The following RAD51B variants were observed in gnomAD, a reference collection of about 807,000 sequenced individuals.
RAD51B encodes RAD51 paralog B.
In RAD51B, 38 loss-of-function variants were observed where a neutral mutation model predicts 42.2. That is an observed-to-expected ratio of 0.90 (90% confidence interval 0.70 to 1.18). The LOEUF is 1.18. Among genes scored for constraint, RAD51B ranks in the 50% most tolerant of loss-of-function variants. The probability of loss-of-function intolerance (pLI) is 0.00; values close to 1 mark genes in which losing one functional copy is unlikely to be tolerated. For synonymous variants in RAD51B, 154 were observed against 145.2 expected (o/e 1.06, Z -0.43); for missense variants, 373 against 400.7 (o/e 0.93, Z 0.59).
intron 11 of RAD51B, among the ~76,000 whole-genome samples, chr14:68,655,541 G>C (rs746333821): frequency 6.6e-6 from 1 of 152,216 alleles, no homozygotes; most frequent in African/African-American, 2.4e-5. Flanking sequence ...GAGGGCAGGC[G>C]TGTGGGGGAG....
At chr14:68,206,512 C>A (rs2079588836) in intron 7 of RAD51B, among the ~76,000 whole-genome samples, 1 of 152,162 alleles carries the variant, frequency 6.6e-6, no homozygotes. Flanking sequence ...TTCTAATAAG[C>A]AGGAGCTTTT....
At chr14:67,945,564 G>A (rs1416395339) in intron 7 of RAD51B, among the ~76,000 whole-genome samples, 4 of 151,444 alleles carry the variant, frequency 2.6e-5, no homozygotes, top group African/African-American at 9.7e-5. Flanking sequence ...CTCTCCTCCC[G>A]GGTTCAAGCG....
At chr14:68,645,100 C>T (rs1892538593) in intron 10 of RAD51B, among the ~76,000 whole-genome samples, 1 of 152,178 alleles carries the variant, frequency 6.6e-6, no homozygotes, top group Admixed American at 6.5e-5. Context: ...ATCACTAGAG[C>T]ATTTTGATCT....
intron 7 of RAD51B, among the ~76,000 whole-genome samples, chr14:68,002,064 TAA>T (rs1297115919): frequency 6.6e-6 from 1 of 152,204 alleles, no homozygotes; most frequent in East Asian, 1.9e-4. Flanking sequence ...ATATAAGCAG[TAA>T]TGGGATTGCT....
At chr14:68,030,287 G>T (rs1330650184) in intron 7 of RAD51B, among the ~76,000 whole-genome samples, 4 of 152,192 alleles carry the variant, frequency 2.6e-5, no homozygotes, top group African/African-American at 9.7e-5. Context: ...ATCTGAGATG[G>T]CATCTTCTTC....
chr14:67,944,189 T>TAAGAAGTAA (rs2045306748), intron 7 of RAD51B, among the ~76,000 whole-genome samples: 1 of 148,008 alleles, frequency 6.8e-6, no homozygotes, highest in South Asian at 2.1e-4. Flanking sequence ...TACGTGCCTC[T>TAAGAAGTAA]AAGAAGTAAA....
At chr14:68,146,202 C>T (rs1182693290) in intron 7 of RAD51B, among the ~76,000 whole-genome samples, 3 of 152,156 alleles carry the variant, frequency 2.0e-5, no homozygotes, top group South Asian at 2.1e-4. Context: ...ATAATCCTAG[C>T]GCTTTGGGAG....
At chr14:67,893,442 T>C (rs2043281104) in intron 7 of RAD51B, among the ~76,000 whole-genome samples, 1 of 143,782 alleles carries the variant, frequency 7.0e-6, no homozygotes. Context: ...TAGCAAGACC[T>C]CATCTTCTCA....
At chr14:67,982,520 C>T (rs1026448981) in intron 7 of RAD51B, among the ~76,000 whole-genome samples, 2 of 152,008 alleles carry the variant, frequency 1.3e-5, no homozygotes, top group Non-Finnish European at 2.9e-5. Context: ...AGGAGAAGAC[C>T]ATTTCATAAA....
intron 7 of RAD51B, among the ~76,000 whole-genome samples, chr14:67,932,272 T>C (rs2044766814): frequency 6.6e-6 from 1 of 152,254 alleles, no homozygotes; most frequent in Non-Finnish European, 1.5e-5. Context: ...TGGCTTTGAT[T>C]CTGGGTGCAT....
At chr14:68,492,772 C>G (rs1172331555) in intron 10 of RAD51B, among the ~76,000 whole-genome samples, 1 of 152,178 alleles carries the variant, frequency 6.6e-6, no homozygotes, top group African/African-American at 2.4e-5. Flanking sequence ...AAACTGTCAA[C>G]CCTTCTACCA....
intron 7 of RAD51B, among the ~76,000 whole-genome samples, chr14:68,223,518 A>G (rs2079972187): frequency 6.6e-6 from 1 of 152,342 alleles, no homozygotes; most frequent in South Asian, 2.1e-4. Context: ...GTTGTGTGGC[A>G]CAAGCTTACA....
chr14:68,206,211 C>A (rs2140935302), intron 7 of RAD51B, among the ~76,000 whole-genome samples: 1 of 152,252 alleles, frequency 6.6e-6, no homozygotes, highest in East Asian at 1.9e-4. Context: ...GATGTTTTGT[C>A]CTTGAGTTAT....
At chr14:67,910,912 A>G (rs919899529) in intron 7 of RAD51B, among the ~76,000 whole-genome samples, 4 of 151,990 alleles carry the variant, frequency 2.6e-5, no homozygotes, top group Non-Finnish European at 4.4e-5. Context: ...CCCAGGTTCA[A>G]GCATTTCTCT....
chr14:68,491,301 G>A (rs758465215), intron 10 of RAD51B, among the ~76,000 whole-genome samples: 5 of 152,130 alleles, frequency 3.3e-5, no homozygotes, highest in Non-Finnish European at 5.9e-5. Context: ...TAGGTGCAAC[G>A]CATCATGTTC....
At chr14:68,149,477 T>C (rs1462077050) in intron 7 of RAD51B, 3 of 152,254 alleles carry the variant, frequency 2.0e-5, no homozygotes, top group African/African-American at 7.2e-5. Context: ...TTTGCTTCTT[T>C]GTCAAGGTTC....
At chr14:67,979,271 G>T (rs538407803) in intron 7 of RAD51B, among the ~76,000 whole-genome samples, 1 of 152,310 alleles carries the variant, frequency 6.6e-6, no homozygotes, top group Admixed American at 6.5e-5. Context: ...TCTAAATGCA[G>T]TTAAAATATA....
intron 8 of RAD51B, among the ~76,000 whole-genome samples, chr14:68,406,810 T>G (rs12435046): frequency 0.45 from 68,125 of 152,060 alleles, 16,837 homozygotes; most frequent in South Asian, 0.59. Context: ...TTTATATCCT[T>G]ATTCTATAAT....
At chr14:68,193,082 C>A (rs1231197048) in intron 7 of RAD51B, among the ~76,000 whole-genome samples, 6 of 152,126 alleles carry the variant, frequency 3.9e-5, no homozygotes, top group Non-Finnish European at 8.8e-5. Context: ...TTCTTCTTCA[C>A]TTGTTGATCC....
Sources: allele counts gnomAD v4.1 joint callset (sites outside exome capture counted in the v4.1 genomes callset), GRCh38; gene constraint gnomAD v4.1.1; transcripts MANE v1.5; gene names NCBI Gene and HGNC (gene_info 2026-07-23, HGNC 2026-07-21).